Variants in METTL15 observed in about 807,000 individuals in gnomAD.
The protein encoded by METTL15 is methyltransferase 15, mitochondrial 12S rRNA N4-cytidine, also known as 12S rRNA N(4)-cytidine methyltransferase METTL15.
A neutral mutation model predicts 38.3 loss-of-function variants in METTL15; 34 were observed. The observed-to-expected ratio is 0.89, with a 90% CI of 0.68 to 1.18. The LOEUF (loss-of-function observed/expected upper bound fraction) is 1.18. Among genes scored for constraint, METTL15 ranks in the 50% most tolerant of loss-of-function variants. METTL15 has a pLI of 0.00. For missense variants in METTL15, 438 were observed against 498.4 expected (o/e 0.88, Z 1.15); for synonymous variants, 162 against 170.9 (o/e 0.95, Z 0.41).
chr11:28,358,847 A>G (rs1850111790), intron 4 of METTL15, among the ~76,000 whole-genome samples: 1 of 152,200 alleles, frequency 6.6e-6, no homozygotes, highest in African/African-American at 2.4e-5. Context: ...CCCAAAAGCT[A>G]AAGTATTTGT....
intron 4 of METTL15, among the ~76,000 whole-genome samples, chr11:28,214,354 G>T (rs1852775088): frequency 6.6e-6 from 1 of 152,054 alleles, no homozygotes; most frequent in Admixed American, 6.6e-5. Flanking sequence ...TCTTGATAGA[G>T]ATAGTATAAA....
chr11:28,494,370 A>T (rs968908509), intron 6 of METTL15, among the ~76,000 whole-genome samples: 2 of 152,192 alleles, frequency 1.3e-5, no homozygotes, highest in African/African-American at 4.8e-5. Context: ...ACTGGACAAT[A>T]TACTTTTCAA....
chr11:28,242,057 A>G (rs1854322621), intron 4 of METTL15, among the ~76,000 whole-genome samples: 1 of 152,250 alleles, frequency 6.6e-6, no homozygotes, highest in Non-Finnish European at 1.5e-5. Context: ...CAGGGAAGCT[A>G]GAAACAGGGA....
chr11:28,143,073 T>G (rs1849754438), intron 3 of METTL15, among the ~76,000 whole-genome samples: 1 of 152,076 alleles, frequency 6.6e-6, no homozygotes, highest in East Asian at 1.9e-4. Flanking sequence ...GTGTGTGGCC[T>G]TGTCGTAGGA....
chr11:28,507,344 A>C lies in METTL15; in HGVS notation c.*425-19134A>C, dbSNP rs984492882. 3.9e-5 allele frequency among the ~76,000 whole-genome samples: 6 copies of C among 152,098 alleles called. 1 individual carries two copies. Among genetic ancestry groups the C allele is most frequent in the Non-Finnish European group, 7.4e-5 (5 of 68,012 alleles). On this transcript the variant is annotated intron_variant and NMD_transcript_variant, in intron 6 of 7. Transcript: ENST00000532947. ...GAAGGGGGTGGTGCTACACACTTTTAAACAACCAGATCTCCTAAGAACTCA... is the reference window on the plus strand; with the variant it reads ...GAAGGGGGTGGTGCTACACACTTTTCAACAACCAGATCTCCTAAGAACTCA...
chr11:28,119,094 C>G (rs1852098249), intron 3 of METTL15, among the ~76,000 whole-genome samples: 1 of 152,106 alleles, frequency 6.6e-6, no homozygotes, highest in Non-Finnish European at 1.5e-5. Flanking sequence ...TCAGGTTTTA[C>G]CTTTTTATGG....
intron 3 of METTL15, among the ~76,000 whole-genome samples, chr11:28,203,382 T>G (rs1416191112): frequency 6.6e-6 from 1 of 152,064 alleles, no homozygotes; most frequent in Non-Finnish European, 1.5e-5. Flanking sequence ...TTAAAAGACT[T>G]AAAAAATTAG....
intron 3 of METTL15, among the ~76,000 whole-genome samples, chr11:28,178,668 G>T (rs1851167145): frequency 6.6e-6 from 1 of 151,540 alleles, no homozygotes; most frequent in South Asian, 2.1e-4. Context: ...TTAATCATTT[G>T]TCTGTATGTG....
At chr11:28,338,139 C>CTTAAA (rs1224409980), downstream of METTL15, among the ~76,000 whole-genome samples, 18 of 150,968 alleles carry the variant, frequency 1.2e-4, no homozygotes, top group Admixed American at 1.1e-3. Context: ...CAACTGCAGT[C>CTTAAA]TTTAAGCCTT....
intron 5 of METTL15, among the ~76,000 whole-genome samples, chr11:28,419,830 A>G (rs1416682295): frequency 6.6e-6 from 1 of 152,196 alleles, no homozygotes; most frequent in East Asian, 1.9e-4. Flanking sequence ...GAAATAATTA[A>G]AAGGAATCAA....
chr11:28,238,487 C>T (rs574770290), intron 4 of METTL15, among the ~76,000 whole-genome samples: 91 of 152,288 alleles, frequency 6.0e-4, no homozygotes, highest in South Asian at 2.5e-3. Flanking sequence ...GGGAATGCCC[C>T]GATTTTCCAG....
At chr11:28,290,545 C>A in intron 5 of METTL15, 148 bp downstream of exon 5, 1 of 668,012 alleles carries the variant, frequency 1.5e-6, no homozygotes, top group Non-Finnish European at 2.5e-6. Context: ...GTTTCATACT[C>A]ATTATACACA....
At chr11:28,241,882 G>A (rs1415330092) in intron 4 of METTL15, among the ~76,000 whole-genome samples, 3 of 152,202 alleles carry the variant, frequency 2.0e-5, no homozygotes, top group Non-Finnish European at 4.4e-5. Flanking sequence ...TCAGATGACA[G>A]ATCATGCAAG....
chr11:28,242,794 A>G (rs10767705), intron 4 of METTL15, among the ~76,000 whole-genome samples: 80,940 of 151,954 alleles, frequency 0.53, 23,006 homozygotes, highest in African/African-American at 0.73. Context: ...TACTAAGAGG[A>G]AAGGGTGTGC....
intron 4 of METTL15, among the ~76,000 whole-genome samples, chr11:28,260,950 C>T (rs1458010792): frequency 1.3e-5 from 2 of 152,104 alleles, no homozygotes; most frequent in Non-Finnish European, 2.9e-5. Flanking sequence ...GTACCTGGGT[C>T]ATTTTTATTT....
intron 5 of METTL15, among the ~76,000 whole-genome samples, chr11:28,396,804 G>C (rs977933796): frequency 3.9e-5 from 6 of 151,966 alleles, no homozygotes; most frequent in South Asian, 2.1e-4. Flanking sequence ...GGCAAAAGAA[G>C]AAAGCTGGAG....
chr11:28,155,016 A>G (rs976873168), intron 3 of METTL15, among the ~76,000 whole-genome samples: 38 of 152,116 alleles, frequency 2.5e-4, no homozygotes, highest in African/African-American at 9.2e-4. Flanking sequence ...TCCTAATGGG[A>G]TTTATTTTGG....
At chr11:28,467,919 T>C (rs1590384848) in intron 6 of METTL15, among the ~76,000 whole-genome samples, 1 of 152,232 alleles carries the variant, frequency 6.6e-6, no homozygotes, top group Non-Finnish European at 1.5e-5. Flanking sequence ...CAAAATATAT[T>C]TATTTGTCGC....
intron 5 of METTL15, among the ~76,000 whole-genome samples, chr11:28,415,081 T>C (rs922569821): frequency 9.9e-5 from 15 of 152,174 alleles, no homozygotes; most frequent in African/African-American, 3.6e-4. Context: ...ATTAATATGT[T>C]TTGAAGTGGA....
Sources: allele counts gnomAD v4.1 joint callset (sites outside exome capture counted in the v4.1 genomes callset), GRCh38; gene constraint gnomAD v4.1.1; transcripts MANE v1.5; gene names NCBI Gene and HGNC (gene_info 2026-07-23, HGNC 2026-07-21).